The following SNX18 variants were observed in gnomAD, a reference collection of about 807,000 sequenced individuals.
The protein encoded by SNX18 is sorting nexin-18.
In SNX18, 35 loss-of-function variants were observed where a neutral mutation model predicts 48.7. The observed-to-expected ratio is 0.72, with a 90% confidence interval of 0.55 to 0.95. SNX18 has a LOEUF of 0.95. Among genes scored for constraint, SNX18 ranks in the 40% least tolerant of loss-of-function variants. SNX18 has a pLI of 0.00. For synonymous variants in SNX18, 492 were observed against 384.7 expected, an observed-to-expected ratio of 1.28 and a Z score of -3.26; for missense variants, 824 against 871.0, an observed-to-expected ratio of 0.95 and a Z score of 0.68.
chr5:54,612,915 C>A, the SNX18 span, among the ~76,000 whole-genome samples: 12 of 152,206 alleles, frequency 7.9e-5, no homozygotes, highest in Non-Finnish European at 1.0e-4. Context: ...GGCAGCTAAT[C>A]CAGACGTAAG....
At chr5:54,587,577 C>G in the SNX18 span, among the ~76,000 whole-genome samples, 5 of 152,172 alleles carry the variant, frequency 3.3e-5, no homozygotes, top group African/African-American at 1.2e-4. Flanking sequence ...ATTACTTGCA[C>G]CTGCACACGG....
the SNX18 span, among the ~76,000 whole-genome samples, chr5:54,595,948 G>C: frequency 2.0e-5 from 3 of 152,054 alleles, no homozygotes; most frequent in Non-Finnish European, 4.4e-5. Flanking sequence ...CTCTGTGCCT[G>C]TCTCTCCCCT....
the SNX18 span, among the ~76,000 whole-genome samples, chr5:54,633,134 T>C: frequency 6.6e-6 from 1 of 152,088 alleles, no homozygotes; most frequent in African/African-American, 2.4e-5. Context: ...AGATTTCTGG[T>C]CTCCTCTTTC....
chr5:54,629,199 A>G, the SNX18 span, among the ~76,000 whole-genome samples: 1 of 152,126 alleles, frequency 6.6e-6, no homozygotes, highest in East Asian at 1.9e-4. Context: ...AAGTCTCCTG[A>G]TATCTTGCAC....
the SNX18 span, among the ~76,000 whole-genome samples, chr5:54,587,998 C>T: frequency 1.3e-5 from 2 of 152,120 alleles, no homozygotes; most frequent in East Asian, 1.9e-4. Flanking sequence ...CCCTTTTGCC[C>T]TTTCTCCTTT....
At chr5:54,547,982 C>T (rs1271315970), downstream of SNX18, among the ~76,000 whole-genome samples, 1 of 152,148 alleles carries the variant, frequency 6.6e-6, no homozygotes, top group East Asian at 1.9e-4. Context: ...TAGAGGGATG[C>T]TGCTGTGCTA....
the SNX18 span, among the ~76,000 whole-genome samples, chr5:54,646,655 G>A: frequency 6.6e-6 from 1 of 152,164 alleles, no homozygotes; most frequent in African/African-American, 2.4e-5. Flanking sequence ...AAATGATGCA[G>A]GAAAAGCACT....
Position 54,518,033 on chromosome 5 carries a change from G to A in SNX18, c.81G>A (p.Leu27=), listed in dbSNP as rs377255105. Reference sequence around the variant, plus strand: ...TCTCGCTGCGAGAGCACGAGGTGCTGAGCCTGTGCAGCGAGCAGGACATCG... The same window carrying A: ...TCTCGCTGCGAGAGCACGAGGTGCTAAGCCTGTGCAGCGAGCAGGACATCG... ...GEISLREHEV[L]SLCSEQDIEG... The change falls in exon 1 of 2, where the codon CTG becomes CTA. Residue 27 remains leucine (L), a synonymous_variant. Transcript: ENST00000381410. 5 of 1,548,722 alleles carry A rather than the reference G, an allele frequency of 3.2e-6. No individual in the cohort carries two copies. Among genetic ancestry groups the A allele is most frequent in the Non-Finnish European group, 3.5e-6 (4 of 1,151,332 alleles).
the SNX18 span, among the ~76,000 whole-genome samples, chr5:54,565,289 G>T: frequency 2.0e-5 from 3 of 152,172 alleles, no homozygotes; most frequent in Admixed American, 2.0e-4. Context: ...GCTTCTAGGA[G>T]TCCATCCCGT....
At chr5:54,528,004 A>T (rs1280659448) in intron 1 of SNX18, among the ~76,000 whole-genome samples, 1 of 152,178 alleles carries the variant, frequency 6.6e-6, no homozygotes, top group Non-Finnish European at 1.5e-5. Flanking sequence ...TTATGAAATG[A>T]CTTTACATAA....
chr5:54,540,059 T>C (rs975541195), intron 1 of SNX18, among the ~76,000 whole-genome samples: 4 of 152,068 alleles, frequency 2.6e-5, no homozygotes, highest in Non-Finnish European at 5.9e-5. Flanking sequence ...CAAATTCTTC[T>C]TGGCTCCTCT....
chr5:54,615,893 T>C, the SNX18 span, among the ~76,000 whole-genome samples: 4 of 152,146 alleles, frequency 2.6e-5, no homozygotes, highest in African/African-American at 4.8e-5. Context: ...ATCTGTTTGG[T>C]GAATATAAAG....
chr5:54,574,242 G>C, the SNX18 span, among the ~76,000 whole-genome samples: 1 of 152,226 alleles, frequency 6.6e-6, no homozygotes, highest in African/African-American at 2.4e-5. Context: ...CTGGGCAGCT[G>C]CTCCATGAGG....
chr5:54,603,736 G>A, the SNX18 span, among the ~76,000 whole-genome samples: 84 of 152,242 alleles, frequency 5.5e-4, no homozygotes, highest in African/African-American at 1.9e-3. Context: ...ACTGAAAAAC[G>A]TCCTCCATTC....
In SNX18 at chr5:54,529,628, C is replaced by CT. The variant is rs567662245; in HGVS notation, c.1621+10066dup. Reference sequence around the variant, plus strand: ...GTATTCCAAGCATTTTATATATGTCCTTTTTTTTTTTCCACTAGAAAATTC... The same window carrying CT: ...GTATTCCAAGCATTTTATATATGTCCTTTTTTTTTTTTCCACTAGAAAATTC... On this transcript the variant is annotated intron_variant, in intron 1 of 1. Transcript: ENST00000381410. Among the ~76,000 whole-genome samples, 689 of 147,008 alleles carry CT rather than the reference C, an allele frequency of 4.7e-3. 6 individuals carry two copies. The highest frequency in any genetic ancestry group is 3.9e-3 in the Non-Finnish European group (260 of 66,484).
chr5:54,532,318 TC>T (rs1762265769), intron 1 of SNX18, among the ~76,000 whole-genome samples: 3 of 67,332 alleles, frequency 4.5e-5, no homozygotes, highest in Non-Finnish European at 6.5e-5. Flanking sequence ...TTTTTTTTTT[TC>T]TTTTTTTTTT....
chr5:54,640,593 T>G, the SNX18 span, among the ~76,000 whole-genome samples: 1 of 152,068 alleles, frequency 6.6e-6, no homozygotes, highest in African/African-American at 2.4e-5. Flanking sequence ...ATCATCTGGA[T>G]AGATTAAAAA....
At chr5:54,621,149 T>A in the SNX18 span, among the ~76,000 whole-genome samples, 1 of 152,176 alleles carries the variant, frequency 6.6e-6, no homozygotes. Flanking sequence ...ACCTCCTTTT[T>A]CTGGTATTGG....
In SNX18 at chr5:54,518,280, C is replaced by A; in HGVS notation, c.328C>A (p.Pro110Thr). The A allele has an allele frequency of 6.7e-7, 1 of 1,498,786 alleles. No homozygotes were observed. Among genetic ancestry groups the A allele is most frequent in the South Asian group, 1.3e-5 (1 of 78,624 alleles). The allele number at this position is 1,498,786 out of a possible 1,614,324, so 92.8% of individuals were successfully genotyped here. The stretch of plus-strand genomic sequence containing the variant: ...TGACGCCTTCCAGGCGCTGCTGCAG[C>A]CACAGCAGGCGCCGCCTCCGAGCAC... ...PPDAFQALLQPQQAPPPSTFQ... is the reference protein window; with the variant it reads ...PPDAFQALLQTQQAPPPSTFQ... The change falls in exon 1 of 2, where the codon CCA (proline) becomes ACA (threonine). Residue 110 changes from proline to threonine, a missense_variant. Physicochemically the swap from Pro to Thr is conservative, Grantham distance 38. Coordinates refer to ENST00000381410, the MANE Select transcript of SNX18 (RefSeq NM_001102575.2).
Sources: allele counts gnomAD v4.1 joint callset (sites outside exome capture counted in the v4.1 genomes callset), GRCh38; gene constraint gnomAD v4.1.1; transcripts MANE v1.5; gene names NCBI Gene and HGNC (gene_info 2026-07-23, HGNC 2026-07-21).